The following PSD3 variants were observed in gnomAD, a reference collection of about 807,000 sequenced individuals.
PSD3 encodes the protein pleckstrin and Sec7 domain containing 3, also known as PH and SEC7 domain-containing protein 3.
Under a neutral mutation model 105.5 loss-of-function variants are expected in PSD3, and 49 were observed. That is an observed-to-expected ratio of 0.46 (90% confidence interval 0.37 to 0.59). The LOEUF is 0.59. Ranked by LOEUF, PSD3 falls within the 20% of genes least tolerant of loss-of-function variation. The probability of loss-of-function intolerance (pLI) is 0.00; values close to 1 mark genes in which losing one functional copy is unlikely to be tolerated. For missense variants in PSD3, 1,561 were observed against 1,263.8 expected (o/e 1.24, Z -3.57); for synonymous variants, 557 against 457.8 (o/e 1.22, Z -2.77).
intron 9 of PSD3, among the ~76,000 whole-genome samples, chr8:18,759,350 A>C (rs1806324360): frequency 6.6e-6 from 1 of 152,186 alleles, no homozygotes. Context: ...TCTTCTAACT[A>C]GAATTATTCT....
intron 1 of PSD3, among the ~76,000 whole-genome samples, chr8:19,021,832 A>G (rs1331761642): frequency 2.0e-5 from 3 of 152,234 alleles, no homozygotes; most frequent in Admixed American, 2.0e-4. Context: ...ACTTAGCATT[A>G]AATCTTCTCC....
intron 2 of PSD3, among the ~76,000 whole-genome samples, chr8:18,906,322 T>C (rs1819846508): frequency 6.6e-6 from 1 of 152,232 alleles, no homozygotes; most frequent in Admixed American, 6.5e-5. Context: ...ATTTTCCTTT[T>C]AACACAAGAC....
intron 2 of PSD3, among the ~76,000 whole-genome samples, chr8:18,888,539 A>C (rs111650822): frequency 1.3e-5 from 2 of 152,166 alleles, no homozygotes; most frequent in Admixed American, 1.3e-4. Flanking sequence ...TGAACTGTAC[A>C]TAGAAATACA....
At chr8:18,819,317 A>G (rs1237447046) in intron 4 of PSD3, among the ~76,000 whole-genome samples, 4 of 152,144 alleles carry the variant, frequency 2.6e-5, no homozygotes, top group Non-Finnish European at 4.4e-5. Context: ...AGGCAGCACA[A>G]ACCAGCTTGA....
intron 14 of PSD3, among the ~76,000 whole-genome samples, chr8:18,558,539 A>G (rs905277517): frequency 6.6e-6 from 1 of 152,172 alleles, no homozygotes; most frequent in African/African-American, 2.4e-5. Context: ...ACAGAAGTGT[A>G]GCCGGGTGTG....
At chr8:18,734,381 T>C (rs970053779) in intron 9 of PSD3, 1 of 152,236 alleles carries the variant, frequency 6.6e-6, no homozygotes, top group Admixed American at 6.5e-5. Flanking sequence ...TGATCTTTAA[T>C]ACAGATTAAG....
intron 1 of PSD3, among the ~76,000 whole-genome samples, chr8:19,029,721 A>C (rs1208502299): frequency 2.6e-5 from 4 of 152,102 alleles, no homozygotes; most frequent in Non-Finnish European, 5.9e-5. Context: ...ACACAGCTAA[A>C]CCATATCACA....
Position 18,667,648 on chromosome 8 carries a change from A to G in PSD3, c.2173-11963T>C, listed in dbSNP as rs373921992. 8.2e-4 allele frequency among the ~76,000 whole-genome samples: 125 copies of G among 152,330 alleles called. No homozygotes were observed. In the South Asian group the frequency reaches 0.023, roughly 29 times the overall value. On this transcript the variant is annotated intron_variant, in intron 9 of 15. Coordinates refer to ENST00000327040, the MANE Select transcript of PSD3 (RefSeq NM_015310.4). ...GTGGATCCTGAACCAGGCGGCAGGC[A>G]GAGCTGCCCGCCAGTCCCGCCGTGT...
intron 1 of PSD3, among the ~76,000 whole-genome samples, chr8:19,060,695 T>C (rs1174128447): frequency 6.6e-6 from 1 of 152,218 alleles, no homozygotes; most frequent in Non-Finnish European, 1.5e-5. Flanking sequence ...TATGCCTCCA[T>C]GCCAAAGTCT....
intron 9 of PSD3, among the ~76,000 whole-genome samples, chr8:18,726,057 C>T (rs969474230): frequency 2.0e-5 from 3 of 152,162 alleles, no homozygotes; most frequent in African/African-American, 7.2e-5. Flanking sequence ...AGACACTAAC[C>T]TCACAGTTCA....
intron 12 of PSD3, among the ~76,000 whole-genome samples, chr8:18,584,737 G>A (rs1017899384): frequency 3.3e-5 from 5 of 152,184 alleles, no homozygotes; most frequent in African/African-American, 1.2e-4. Context: ...GCTCTGCAGG[G>A]CTATGTGGGC....
At chr8:18,671,095 G>A (rs1563159813) in intron 9 of PSD3, among the ~76,000 whole-genome samples, 1 of 152,132 alleles carries the variant, frequency 6.6e-6, no homozygotes, top group South Asian at 2.1e-4. Context: ...CAGTGAGGAC[G>A]ATGCTGTATA....
upstream of PSD3, among the ~76,000 whole-genome samples, chr8:19,014,914 C>G (rs1211675338): frequency 1.3e-5 from 2 of 152,164 alleles, no homozygotes; most frequent in African/African-American, 4.8e-5. This position sits in a 1 kb window ranked among gnomAD's most constrained non-coding sequence, Gnocchi z 4.9. Flanking sequence ...GAGTGTATGC[C>G]TTTATACAAA....
chr8:18,574,771 T>C (rs1177265606), intron 13 of PSD3, among the ~76,000 whole-genome samples: 2 of 152,186 alleles, frequency 1.3e-5, no homozygotes, highest in African/African-American at 2.4e-5. Flanking sequence ...GGTTAAACTA[T>C]GTGCTAGGAG....
At chr8:18,795,424 C>T (rs11777761) in intron 8 of PSD3, among the ~76,000 whole-genome samples, 107,939 of 152,092 alleles carry the variant, frequency 0.71, 39,857 homozygotes, top group Non-Finnish European at 0.81. Context: ...GGATGCTGGA[C>T]AAAACTGCTA....
intron 9 of PSD3, among the ~76,000 whole-genome samples, chr8:18,725,428 C>T (rs1803280032): frequency 6.6e-6 from 1 of 152,044 alleles, no homozygotes; most frequent in African/African-American, 2.4e-5. Context: ...TATTCCAATC[C>T]CACTTTGTCC....
At chr8:18,837,633 G>A (rs544917683) in intron 4 of PSD3, among the ~76,000 whole-genome samples, 5 of 152,132 alleles carry the variant, frequency 3.3e-5, no homozygotes, top group Non-Finnish European at 7.4e-5. Context: ...TAACTGAAAT[G>A]AGACTAAACT....
At chr8:18,561,811 C>A (rs1172538385) in intron 14 of PSD3, among the ~76,000 whole-genome samples, 1 of 152,092 alleles carries the variant, frequency 6.6e-6, no homozygotes, top group Non-Finnish European at 1.5e-5. Context: ...TATTGCTTAA[C>A]TGATCAGGCA....
chr8:18,996,797 C>A (rs1826100705), intron 1 of PSD3, among the ~76,000 whole-genome samples: 1 of 151,902 alleles, frequency 6.6e-6, no homozygotes, highest in Non-Finnish European at 1.5e-5. Context: ...CGCTCTCTTA[C>A]ATACCCACTG....
Sources: gnomAD v4.1 joint callset for allele counts (sites outside exome capture counted in the v4.1 genomes callset) on GRCh38, gnomAD v4.1.1 for gene constraint, Gnocchi (gnomAD v3.1) non-coding constraint, MANE v1.5 for transcripts, NCBI Gene and HGNC (gene_info 2026-07-23, HGNC 2026-07-21) for gene names.